SIAH1: variants seen among roughly 807,000 people sequenced by gnomAD.
SIAH1 encodes the protein E3 ubiquitin-protein ligase SIAH1.
Under a neutral mutation model 20.0 loss-of-function variants are expected in SIAH1, and 2 were observed. The ratio of observed to expected loss-of-function variants is 0.10; its 90% CI spans 0.04 to 0.31. SIAH1 has a LOEUF of 0.31. Ranked by LOEUF, SIAH1 falls within the 10% of genes least tolerant of loss-of-function variation. The pLI is 1.00. For synonymous variants in SIAH1, 118 were observed against 125.3 expected (o/e 0.94, Z 0.39); for missense variants, 119 against 355.3 (o/e 0.33, Z 5.35).
At position 48,362,603 on chromosome 16, in the gene SIAH1, G is replaced by A; in HGVS notation, c.-2-173C>T. 3.0e-6 allele frequency: 2 copies of A among 655,932 alleles called. No homozygotes were observed. Among genetic ancestry groups the A allele is most frequent in the Non-Finnish European group, 2.6e-6 (1 of 382,784 alleles). 40.6% of individuals were successfully genotyped at this position (655,932 alleles called of 1,614,324 possible). A position where few individuals can be genotyped will look rare whatever the true frequency, so the allele number is the denominator to read the frequency against. Reference sequence around the variant, plus strand: ...TTAAAAAAATAAAATTACACTGAATGTGCACTTTATTAGGATCTGTACACT... The same window carrying A: ...TTAAAAAAATAAAATTACACTGAATATGCACTTTATTAGGATCTGTACACT... On this transcript the variant is annotated intron_variant, in intron 1 of 1. Transcript: ENST00000394725. The surrounding 1 kb of genome is among the most constrained non-coding windows in gnomAD (Gnocchi z 4.2).
chr16:48,366,682 T>C (rs1030069359), intron 1 of SIAH1, among the ~76,000 whole-genome samples: 5 of 152,200 alleles, frequency 3.3e-5, no homozygotes, highest in Non-Finnish European at 7.3e-5. Context: ...CATTACATCA[T>C]GCTTAGGGCA....
intron 1 of SIAH1, among the ~76,000 whole-genome samples, chr16:48,379,639 G>A (rs1961212513): frequency 6.6e-6 from 1 of 152,170 alleles, no homozygotes; most frequent in Non-Finnish European, 1.5e-5. Context: ...TGACCAAGTC[G>A]TCATAGAGAT....
intron 1 of SIAH1, among the ~76,000 whole-genome samples, chr16:48,382,099 A>C (rs1055374541): frequency 5.9e-5 from 9 of 152,232 alleles, no homozygotes; most frequent in African/African-American, 1.9e-4. Context: ...ATTGGAGGCC[A>C]GGCACAGCAG....
chr16:48,380,718 G>A (rs531809923), intron 1 of SIAH1, among the ~76,000 whole-genome samples: 3 of 152,016 alleles, frequency 2.0e-5, no homozygotes, highest in Admixed American at 2.0e-4. Flanking sequence ...GAGGTCAGGA[G>A]TTCGAGACTG....
intron 1 of SIAH1, among the ~76,000 whole-genome samples, chr16:48,379,450 G>A (rs965638059): frequency 6.6e-6 from 1 of 152,182 alleles, no homozygotes; most frequent in African/African-American, 2.4e-5. Context: ...GGGCAAAGGG[G>A]AAACACAGGC....
At chr16:48,384,730 G>C (rs1246424520) in intron 1 of SIAH1, among the ~76,000 whole-genome samples, 2 of 151,410 alleles carry the variant, frequency 1.3e-5, no homozygotes, top group Non-Finnish European at 3.0e-5. Flanking sequence ...GCGGGGAGGA[G>C]GGGGAGGGAG....
At chr16:48,373,667 G>C (rs576176437) in intron 1 of SIAH1, among the ~76,000 whole-genome samples, 1 of 152,162 alleles carries the variant, frequency 6.6e-6, no homozygotes, top group South Asian at 2.1e-4. Context: ...AATATGTTCT[G>C]AGCACAGCAA....
chr16:48,384,913 C>T (rs545466427), intron 1 of SIAH1, among the ~76,000 whole-genome samples: 1,696 of 145,746 alleles, frequency 0.012, 14 homozygotes, highest in Non-Finnish European at 0.019. Flanking sequence ...AGGCCCTTCC[C>T]CCGCCCTCGG....
At position 48,385,185 on chromosome 16, in the gene SIAH1, C is replaced by A; in HGVS notation, c.-3+19G>T. ...AGCCCCTCGCCGCCGGCTCCTCCCT[C>A]AGGCCGGGCCCCACTTACCTGTGGG... On this transcript the variant is annotated intron_variant, in intron 1 of 1. Coordinates refer to ENST00000394725, the MANE Select transcript of SIAH1 (RefSeq NM_003031.4). 3.5e-6 allele frequency: 1 copy of A among 284,688 alleles called. No individual in the cohort carries two copies. The highest frequency in any genetic ancestry group is 2.5e-5 in the South Asian group (1 of 40,424). 17.6% of individuals were successfully genotyped at this position (284,688 alleles called of 1,614,324 possible).
chr16:48,378,871 C>G (rs997404888), intron 1 of SIAH1, among the ~76,000 whole-genome samples: 5 of 152,232 alleles, frequency 3.3e-5, no homozygotes, highest in African/African-American at 1.2e-4. Context: ...CTTCCCCCTT[C>G]AAAGGGCGAG....
intron 1 of SIAH1, among the ~76,000 whole-genome samples, chr16:48,376,886 G>A (rs1961122759): frequency 1.3e-5 from 2 of 152,180 alleles, no homozygotes; most frequent in Admixed American, 6.5e-5. Flanking sequence ...AATTTAATGT[G>A]AAATACAAAG....
chr16:48,369,021 T>C (rs1960916734), intron 1 of SIAH1, among the ~76,000 whole-genome samples: 1 of 152,212 alleles, frequency 6.6e-6, no homozygotes, highest in African/African-American at 2.4e-5. Context: ...AAATGTTAAT[T>C]AAACATTGCT....
intron 1 of SIAH1, among the ~76,000 whole-genome samples, chr16:48,370,846 T>A (rs141782367): frequency 1.1e-4 from 17 of 150,086 alleles, no homozygotes; most frequent in African/African-American, 3.9e-4. Context: ...GCATGGTGAC[T>A]CACACCTGTA....
At position 48,361,462 on chromosome 16, in the gene SIAH1, C is replaced by G; in HGVS notation, c.*118G>C. ...ATTTAACAGCCTTTCTTTTTATTTACCTTCATGTGTCTAGCTTCCACCTAC... is the reference window on the plus strand; with the variant it reads ...ATTTAACAGCCTTTCTTTTTATTTAGCTTCATGTGTCTAGCTTCCACCTAC... On this transcript the variant is annotated 3_prime_UTR_variant, in exon 2 of 2. Transcript: ENST00000394725. The G allele has an allele frequency of 1.1e-6, 1 of 928,116 alleles. No individual in the cohort carries two copies. The highest frequency in any genetic ancestry group is 1.7e-6 in the Non-Finnish European group (1 of 595,038). The allele number at this position is 928,116 out of a possible 1,614,324, so 57.5% of individuals were successfully genotyped here.
chr16:48,378,554 CAT>C lies in SIAH1; in HGVS notation c.-3+6648_-3+6649del, dbSNP rs1045745751. Among the ~76,000 whole-genome samples the C allele has an allele frequency of 8.9e-4, 135 of 152,316 alleles. 1 individual carries two copies. The highest frequency in any genetic ancestry group is 8.3e-4 in the South Asian group (4 of 4,828). ...TTTTGTGAAAATGTCAAGCTGTACA[CAT>C]GATTTGAGCACTTTTTCCATATGTA... On this transcript the variant is annotated intron_variant, in intron 1 of 1. Transcript: ENST00000394725.
chr16:48,376,047 G>T (rs1467166040), intron 1 of SIAH1, among the ~76,000 whole-genome samples: 5 of 152,120 alleles, frequency 3.3e-5, no homozygotes, highest in Admixed American at 2.0e-4. Flanking sequence ...ATAATCATGA[G>T]AACTACAAGA....
Position 48,385,324 on chromosome 16 carries a change from G to A in SIAH1, c.-123C>T, listed in dbSNP as rs769499985. The A allele has an allele frequency of 3.7e-5, 7 of 189,636 alleles. No homozygotes were observed. Among genetic ancestry groups the A allele is most frequent in the East Asian group, 3.6e-4 (2 of 5,562 alleles). The allele number at this position is 189,636 out of a possible 1,614,324, so 11.7% of individuals were successfully genotyped here. A position where few individuals can be genotyped will look rare whatever the true frequency, so the allele number is the denominator to read the frequency against. On this transcript the variant is annotated 5_prime_UTR_variant, in exon 1 of 2. Coordinates refer to ENST00000394725, the MANE Select transcript of SIAH1 (RefSeq NM_003031.4). ...GGCGCCGAGACCGACGGGACACCCTGGGCCGCCGCCGCCTCTCGAGAGCGC... is the reference window on the plus strand; with the variant it reads ...GGCGCCGAGACCGACGGGACACCCTAGGCCGCCGCCGCCTCTCGAGAGCGC...
chr16:48,362,346 G>A lies in SIAH1; in HGVS notation c.83C>T (p.Thr28Ile). 1 of 1,614,190 alleles carries A rather than the reference G, an allele frequency of 6.2e-7. No homozygotes were observed. Among genetic ancestry groups the A allele is most frequent in the Non-Finnish European group, 8.5e-7 (1 of 1,180,026 alleles). ...PSQRVPALTG[T>I]TASNNDLASL... Reference sequence around the variant, plus strand: ...CGCCAAGTCATTGTTGGATGCAGTTGTGCCAGTCAGGGCAGGCACCCTCTG... The same window carrying A: ...CGCCAAGTCATTGTTGGATGCAGTTATGCCAGTCAGGGCAGGCACCCTCTG... Residue 28 changes from threonine to isoleucine, a missense_variant, in exon 2 of 2, where the codon ACA (threonine) becomes ATA (isoleucine). Transcript: ENST00000394725. This position sits in a 1 kb window ranked among gnomAD's most constrained non-coding sequence, Gnocchi z 4.2.
chr16:48,365,428 A>C, intron 1 of SIAH1: 1 of 1,614,074 alleles, frequency 6.2e-7, no homozygotes, highest in Non-Finnish European at 8.5e-7. Flanking sequence ...ACATGTGAAC[A>C]AGACTCCCCT....
Sources: allele counts gnomAD v4.1 joint callset (sites outside exome capture counted in the v4.1 genomes callset), GRCh38; gene constraint gnomAD v4.1.1; non-coding constraint Gnocchi (gnomAD v3.1); transcripts MANE v1.5; gene names NCBI Gene and HGNC (gene_info 2026-07-23, HGNC 2026-07-21).